Variants in PTK2B observed in about 807,000 individuals in gnomAD.
PTK2B encodes the protein protein-tyrosine kinase 2-beta.
In PTK2B, 71 loss-of-function variants were observed where a neutral mutation model predicts 142.9. The observed-to-expected ratio is 0.50, with a 90% CI of 0.41 to 0.61. The LOEUF is 0.61. PTK2B is among the 20% of genes least tolerant of loss of function. PTK2B has a pLI of 0.00. For synonymous variants in PTK2B, 519 were observed against 503.4 expected (o/e 1.03, Z -0.42); for missense variants, 1,105 against 1,320.4 (o/e 0.84, Z 2.53).
Position 27,363,636 on chromosome 8 carries a change from A to C in PTK2B, c.-37-33912A>C, listed in dbSNP as rs186607577. Among the ~76,000 whole-genome samples the C allele has an allele frequency of 2.0e-5, 3 of 152,158 alleles. No individual in the cohort carries two copies. The highest frequency in any genetic ancestry group is 4.4e-5 in the Non-Finnish European group (3 of 67,992). On this transcript the variant is annotated intron_variant, in intron 1 of 30. Transcript: ENST00000346049. This position sits in a 1 kb window ranked among gnomAD's most constrained non-coding sequence, Gnocchi z 4.3. ...TGGGTCTACCCCTGCCCTTCTTGCA[A>C]GTCCTCCTTTTTCTCATCATGGACC...
intron 1 of PTK2B, among the ~76,000 whole-genome samples, chr8:27,390,771 A>G (rs1019646776): frequency 6.6e-6 from 1 of 152,220 alleles, no homozygotes; most frequent in Non-Finnish European, 1.5e-5. Context: ...TGCAGAAGTA[A>G]TGGAAGTAAC....
intron 1 of PTK2B, among the ~76,000 whole-genome samples, chr8:27,339,365 C>T (rs1176319643): frequency 1.3e-5 from 2 of 152,208 alleles, no homozygotes; most frequent in Non-Finnish European, 2.9e-5. Flanking sequence ...TCTACCTTCT[C>T]TGGGGTGAGA....
At chr8:27,454,042 C>T in intron 28 of PTK2B, 112 bp from the exon 29 acceptor site, 3 of 1,435,882 alleles carry the variant, frequency 2.1e-6, no homozygotes, top group Non-Finnish European at 2.9e-6. Flanking sequence ...AAGAAGAGTC[C>T]TTTCCAATCG....
chr8:27,350,453 AGCTCT>A (rs1804977167), intron 1 of PTK2B, among the ~76,000 whole-genome samples: 1 of 152,156 alleles, frequency 6.6e-6, no homozygotes, highest in Non-Finnish European at 1.5e-5. Context: ...GAGCTCTCAA[AGCTCT>A]GGATTTGTCT....
At position 27,370,737 on chromosome 8, in the gene PTK2B, C is replaced by T. The variant is rs577162408; in HGVS notation, c.-37-26811C>T. Among the ~76,000 whole-genome samples the T allele has an allele frequency of 2.6e-5, 4 of 152,284 alleles. No individual in the cohort carries two copies. The East Asian group carries it at 5.8e-4, about 22-fold the overall frequency. On this transcript the variant is annotated intron_variant, in intron 1 of 30. Transcript: ENST00000346049. ...AAGTGTGGTCAGCCTCATCTTGCTC[C>T]GTGGTCTCACTTCTCAGCCTGTGCA...
At chr8:27,441,514 A>G (rs1222932855) in intron 21 of PTK2B, among the ~76,000 whole-genome samples, 1 of 152,184 alleles carries the variant, frequency 6.6e-6, no homozygotes, top group African/African-American at 2.4e-5. Flanking sequence ...AGGGCAAGTA[A>G]ACAGTCCCTG....
chr8:27,329,171 CATG>C (rs1387168200), intron 1 of PTK2B, among the ~76,000 whole-genome samples: 1 of 152,118 alleles, frequency 6.6e-6, no homozygotes, highest in Non-Finnish European at 1.5e-5. Flanking sequence ...TTCTTGACCT[CATG>C]ATCTGCCTGC....
At position 27,430,397 on chromosome 8, in the gene PTK2B, G is replaced by C. The variant is rs1810336621; in HGVS notation, c.648G>C (p.Lys216Asn). ...KEVGLDLFFP[K>N]QMQENLKPKQ... is the part of the protein sequence containing the mutation. The stretch of plus-strand genomic sequence containing the variant: ...TGGGGCTGGACTTGTTTTTCCCAAA[G>C]CAGATGCAGGAGAACTTAAAGGTGA... The change falls in exon 7 of 31, where the codon AAG becomes AAC. Residue 216 changes from lysine to asparagine, a missense_variant. Transcript: ENST00000346049. 1 of 1,614,160 alleles carries C rather than the reference G, an allele frequency of 6.2e-7. No homozygotes were observed. Among genetic ancestry groups the C allele is most frequent in the Non-Finnish European group, 8.5e-7 (1 of 1,180,022 alleles).
At chr8:27,310,669 G>A (rs1802912906), upstream of PTK2B, 11 of 1,039,200 alleles carry the variant, frequency 1.1e-5, no homozygotes, top group Non-Finnish European at 1.5e-5. Context: ...TCGGAGAGGT[G>A]GGGTCCTGCA....
At chr8:27,442,054 G>A (rs141862413) in intron 21 of PTK2B, among the ~76,000 whole-genome samples, 149 of 152,312 alleles carry the variant, frequency 9.8e-4, no homozygotes, top group African/African-American at 3.2e-3. Context: ...TTCCTCCTTA[G>A]AGTTCAGAAG....
chr8:27,373,013 A>G (rs1806454220), intron 1 of PTK2B, among the ~76,000 whole-genome samples: 1 of 152,132 alleles, frequency 6.6e-6, no homozygotes, highest in African/African-American at 2.4e-5. Flanking sequence ...CATTCTCATA[A>G]GGCAAGCATC....
chr8:27,346,585 T>C (rs1350285466), intron 1 of PTK2B, among the ~76,000 whole-genome samples: 1 of 152,242 alleles, frequency 6.6e-6, no homozygotes, highest in Non-Finnish European at 1.5e-5. Context: ...TTCATGCTGC[T>C]GTGAGTGATG....
At chr8:27,370,613 G>C (rs73223436) in intron 1 of PTK2B, among the ~76,000 whole-genome samples, 2 of 152,302 alleles carry the variant, frequency 1.3e-5, no homozygotes, top group Non-Finnish European at 1.5e-5. Context: ...GATCTGCTGT[G>C]TAGCTTCATC....
intron 1 of PTK2B, among the ~76,000 whole-genome samples, chr8:27,372,575 C>G (rs1332499246): frequency 1.3e-5 from 2 of 152,174 alleles, no homozygotes; most frequent in Admixed American, 1.3e-4. Context: ...TAATCTCATG[C>G]AAAAGCACCC....
intron 1 of PTK2B, among the ~76,000 whole-genome samples, chr8:27,348,314 G>A (rs765289919): frequency 1.3e-5 from 2 of 152,120 alleles, no homozygotes; most frequent in Non-Finnish European, 2.9e-5. Context: ...CGGGAGTACC[G>A]TGGTCTCTGC....
chr8:27,444,497 C>G (rs2132313025), intron 23 of PTK2B, among the ~76,000 whole-genome samples: 1 of 152,254 alleles, frequency 6.6e-6, no homozygotes, highest in South Asian at 2.1e-4. Context: ...AGCCCCATCC[C>G]TCTGTCTACA....
chr8:27,353,920 A>G (rs1282762230), intron 1 of PTK2B, among the ~76,000 whole-genome samples: 4 of 152,168 alleles, frequency 2.6e-5, no homozygotes, highest in African/African-American at 9.7e-5. Context: ...TGCAGATGAC[A>G]GAAACCCAAA....
At chr8:27,358,304 A>G (rs1385436183) in intron 1 of PTK2B, among the ~76,000 whole-genome samples, 1 of 152,222 alleles carries the variant, frequency 6.6e-6, no homozygotes, top group African/African-American at 2.4e-5. Flanking sequence ...TGAAGAAGAA[A>G]AGAAGCAATA....
intron 1 of PTK2B, among the ~76,000 whole-genome samples, chr8:27,353,961 A>G (rs1202396335): frequency 6.6e-6 from 1 of 152,114 alleles, no homozygotes; most frequent in Admixed American, 6.5e-5. Flanking sequence ...CACATACCCA[A>G]ATTAAGGGAA....
Sources: gnomAD v4.1 joint callset for allele counts (sites outside exome capture counted in the v4.1 genomes callset) on GRCh38, gnomAD v4.1.1 for gene constraint, Gnocchi (gnomAD v3.1) non-coding constraint, MANE v1.5 for transcripts, NCBI Gene and HGNC (gene_info 2026-07-23, HGNC 2026-07-21) for gene names.